TRIM67: variants seen among roughly 807,000 people sequenced by gnomAD.
The protein encoded by TRIM67 is tripartite motif containing 67.
A neutral mutation model predicts 71.0 loss-of-function variants in TRIM67; 39 were observed. The ratio of observed to expected loss-of-function variants is 0.55; its 90% CI spans 0.43 to 0.72. The LOEUF (loss-of-function observed/expected upper bound fraction) is 0.72, where lower values mean the gene tolerates loss of function less well. TRIM67 is among the 30% of genes least tolerant of loss of function. The pLI is 0.00. For synonymous variants in TRIM67, 481 were observed against 473.9 expected (o/e 1.01, Z -0.19); for missense variants, 973 against 1,079.2 (o/e 0.90, Z 1.38).
intron 9 of TRIM67, among the ~76,000 whole-genome samples, chr1:231,214,977 T>C (rs1204054939): frequency 6.6e-6 from 1 of 151,908 alleles, no homozygotes; most frequent in Non-Finnish European, 1.5e-5. Context: ...AAATAAGAGG[T>C]TGGCTATAAT....
Position 231,209,062 on chromosome 1 carries a change from G to C in TRIM67, c.1935G>C (p.Ala645=), listed in dbSNP as rs779835137. ...ACCGGGTGGTGCTGGGCACAGCTGC[G>C]TTCTCCAAGGGCGTGCACTACTGGG... is the stretch of plus-strand genomic sequence containing the variant. ...YDDRVVLGTA[A]FSKGVHYWEL... Residue 645 remains alanine (A), a synonymous_variant, in exon 8 of 10, where the codon GCG becomes GCC. Transcript: ENST00000366653. This position sits in a 1 kb window ranked among gnomAD's most constrained non-coding sequence, Gnocchi z 4.1. 1 of 1,613,888 alleles carries C rather than the reference G, an allele frequency of 6.2e-7. No individual in the cohort carries two copies. Among genetic ancestry groups the C allele is most frequent in the Non-Finnish European group, 8.5e-7 (1 of 1,179,826 alleles).
intron 1 of TRIM67, among the ~76,000 whole-genome samples, chr1:231,166,469 G>C (rs1487316110): frequency 2.6e-5 from 4 of 152,178 alleles, no homozygotes; most frequent in Non-Finnish European, 5.9e-5. Context: ...ACTTTTGAAA[G>C]ACAAACTAGA....
At chr1:231,193,509 T>TCC (rs1438226631) in intron 1 of TRIM67, among the ~76,000 whole-genome samples, 6 of 122,838 alleles carry the variant, frequency 4.9e-5, no homozygotes, top group Non-Finnish European at 8.0e-5. Flanking sequence ...TCAAGCTCTC[T>TCC]CTCTCTCTCT....
Position 231,218,227 on chromosome 1 carries a change from A to G in TRIM67, c.*2787A>G. On this transcript the variant is annotated 3_prime_UTR_variant, in exon 10 of 10. Transcript: ENST00000366653. Reference sequence around the variant, plus strand: ...CAGACAGGTCATGGAATTCTCATCCACCATCGAATTCCATAACACGTTACA... The same window carrying G: ...CAGACAGGTCATGGAATTCTCATCCGCCATCGAATTCCATAACACGTTACA... The G allele has an allele frequency of 9.9e-7, 1 of 1,010,714 alleles. No homozygotes were observed. Among genetic ancestry groups the G allele is most frequent in the Non-Finnish European group, 1.2e-6 (1 of 844,722 alleles). 62.6% of individuals were successfully genotyped at this position (1,010,714 alleles called of 1,614,324 possible).
chr1:231,218,014 G>C lies in TRIM67; in HGVS notation c.*2574G>C. On this transcript the variant is annotated 3_prime_UTR_variant, in exon 10 of 10. Transcript: ENST00000366653. ...CAGAAGCAATACGGCCGATGCCAGG[G>C]ACAGCATCCAGCTCTCCTTCACAGA... The C allele has an allele frequency of 1.7e-6, 2 of 1,194,588 alleles. No homozygotes were observed. The highest frequency in any genetic ancestry group is 3.1e-5 in the South Asian group (2 of 65,182). 74.0% of individuals were successfully genotyped at this position (1,194,588 alleles called of 1,614,324 possible). A position where few individuals can be genotyped will look rare whatever the true frequency, so the allele number is the denominator to read the frequency against.
intron 1 of TRIM67, among the ~76,000 whole-genome samples, chr1:231,175,710 A>G (rs1682729786): frequency 6.6e-6 from 1 of 152,216 alleles, no homozygotes; most frequent in Admixed American, 6.5e-5. Context: ...CCTTAGAAAC[A>G]TAGCCCAGAA....
intron 1 of TRIM67, among the ~76,000 whole-genome samples, chr1:231,196,180 C>T (rs1456963643): frequency 1.3e-5 from 2 of 152,098 alleles, no homozygotes; most frequent in East Asian, 3.9e-4. Flanking sequence ...TGAGGAAAGT[C>T]CTCACTGACA....
chr1:231,207,089 C>T (rs1457708723), intron 7 of TRIM67, among the ~76,000 whole-genome samples: 1 of 152,188 alleles, frequency 6.6e-6, no homozygotes, highest in African/African-American at 2.4e-5. Flanking sequence ...ATACGCCTCA[C>T]CCTGCTCTGC....
At chr1:231,177,119 G>T (rs972408784) in intron 1 of TRIM67, among the ~76,000 whole-genome samples, 1 of 152,134 alleles carries the variant, frequency 6.6e-6, no homozygotes, top group African/African-American at 2.4e-5. Flanking sequence ...CACCACTTAT[G>T]CACAAGAAAT....
At chr1:231,170,858 A>C (rs1682601978) in intron 1 of TRIM67, among the ~76,000 whole-genome samples, 1 of 152,232 alleles carries the variant, frequency 6.6e-6, no homozygotes, top group African/African-American at 2.4e-5. Flanking sequence ...CTGGCCCTTC[A>C]TAGAAAATAA....
At chr1:231,191,064 T>G (rs1683217429) in intron 1 of TRIM67, among the ~76,000 whole-genome samples, 1 of 152,110 alleles carries the variant, frequency 6.6e-6, no homozygotes. Flanking sequence ...TTATATTTAT[T>G]CATCATCATT....
chr1:231,216,781 A>C lies in TRIM67; in HGVS notation c.*1341A>C. 1.0e-6 allele frequency: 1 copy of C among 985,352 alleles called. No individual in the cohort carries two copies. The highest frequency in any genetic ancestry group is 1.2e-6 in the Non-Finnish European group (1 of 829,930). The allele number at this position is 985,352 out of a possible 1,614,324, so 61.0% of individuals were successfully genotyped here. On this transcript the variant is annotated 3_prime_UTR_variant, in exon 10 of 10. Transcript: ENST00000366653. ...TTGAGATCCACATTGATTCATCCAC[A>C]CCTCTCAGAGACAGCTCATGGCAGG...
chr1:231,184,478 A>C (rs917441780), intron 1 of TRIM67: 1 of 154,406 alleles, frequency 6.5e-6, no homozygotes. Context: ...TTTCAGCGCC[A>C]CTCAGAATTC....
intron 1 of TRIM67, among the ~76,000 whole-genome samples, chr1:231,182,582 C>A (rs1279367160): frequency 6.6e-6 from 1 of 152,118 alleles, no homozygotes; most frequent in African/African-American, 2.4e-5. Flanking sequence ...GGCACCGGTG[C>A]AGCCATGGGA....
intron 8 of TRIM67, among the ~76,000 whole-genome samples, chr1:231,210,643 T>A (rs1176417449): frequency 1.3e-5 from 2 of 151,876 alleles, no homozygotes; most frequent in Non-Finnish European, 2.9e-5. Flanking sequence ...GAAGCATTTA[T>A]CAAACCCTTA....
chr1:231,217,113 C>A lies in TRIM67; in HGVS notation c.*1673C>A. 2.0e-6 allele frequency: 2 copies of A among 985,936 alleles called. No individual in the cohort carries two copies. Among genetic ancestry groups the A allele is most frequent in the Non-Finnish European group, 1.2e-6 (1 of 830,016 alleles). 61.1% of individuals were successfully genotyped at this position (985,936 alleles called of 1,614,324 possible). A position where few individuals can be genotyped will look rare whatever the true frequency, so the allele number is the denominator to read the frequency against. On this transcript the variant is annotated 3_prime_UTR_variant, in exon 10 of 10. Transcript: ENST00000366653. The stretch of plus-strand genomic sequence containing the variant: ...CCTGCCGGAGCCATGCAGGTACCCC[C>A]CCTCCACTCAGCAGGCCCGACAATC...
chr1:231,208,529 C>T (rs1683775162), intron 7 of TRIM67, among the ~76,000 whole-genome samples: 1 of 151,954 alleles, frequency 6.6e-6, no homozygotes, highest in Non-Finnish European at 1.5e-5. Flanking sequence ...CCAGGCTGGT[C>T]TCAAACCGCT....
Position 231,217,377 on chromosome 1 carries a change from T to C in TRIM67, c.*1937T>C, listed in dbSNP as rs1571909234. On this transcript the variant is annotated 3_prime_UTR_variant, in exon 10 of 10. Coordinates refer to ENST00000366653, the MANE Select transcript of TRIM67 (RefSeq NM_001004342.5). The stretch of plus-strand genomic sequence containing the variant: ...ATCCCAGAGCCCTGTCCAGAGCTCT[T>C]GGTGGTGACACACAAGACCTGGGAC... The C allele has an allele frequency of 1.0e-6, 1 of 986,776 alleles. No individual in the cohort carries two copies. Among genetic ancestry groups the C allele is most frequent in the East Asian group, 1.1e-4 (1 of 8,850 alleles). 61.1% of individuals were successfully genotyped at this position (986,776 alleles called of 1,614,324 possible). A position where few individuals can be genotyped will look rare whatever the true frequency, so the allele number is the denominator to read the frequency against.
chr1:231,165,271 C>T (rs1682422934), intron 1 of TRIM67, among the ~76,000 whole-genome samples: 1 of 152,168 alleles, frequency 6.6e-6, no homozygotes, highest in South Asian at 2.1e-4. Context: ...AAATCCTGCT[C>T]TATAGTTACA....
Sources: gnomAD v4.1 joint callset for allele counts (sites outside exome capture counted in the v4.1 genomes callset) on GRCh38, gnomAD v4.1.1 for gene constraint, Gnocchi (gnomAD v3.1) non-coding constraint, MANE v1.5 for transcripts, NCBI Gene and HGNC (gene_info 2026-07-23, HGNC 2026-07-21) for gene names.